ARMC9: variants seen among roughly 807,000 people sequenced by gnomAD.
The protein encoded by ARMC9 is lisH domain-containing protein ARMC9.
Under a neutral mutation model 107.0 loss-of-function variants are expected in ARMC9, and 94 were observed. The observed-to-expected ratio is 0.88, with a 90% confidence interval of 0.74 to 1.04. The LOEUF (loss-of-function observed/expected upper bound fraction) is 1.04. Ranked by LOEUF, ARMC9 falls within the 50% of genes least tolerant of loss-of-function variation. The pLI is 0.00. For missense variants in ARMC9, 942 were observed against 1,030.1 expected, an observed-to-expected ratio of 0.91 and a Z score of 1.17; for synonymous variants, 380 against 396.9, an observed-to-expected ratio of 0.96 and a Z score of 0.51.
chr2:231,324,289 A>G (rs985127625), intron 19 of ARMC9, among the ~76,000 whole-genome samples: 54 of 151,116 alleles, frequency 3.6e-4, no homozygotes, highest in East Asian at 2.8e-3. Flanking sequence ...CACCACGCCC[A>G]GCTAATTTTT....
In ARMC9 at chr2:231,281,632, T is replaced by C. The variant is rs114916023; in HGVS notation, c.1552-427T>C. On this transcript the variant is annotated intron_variant, in intron 16 of 24. Coordinates refer to ENST00000611582, the MANE Select transcript of ARMC9 (RefSeq NM_001352754.2). The stretch of plus-strand genomic sequence containing the variant: ...TGGAGATTTGATGTAGCCTGGTTCA[T>C]GGACGATGATGTCTGAACAAGGACA... 4.1e-3 allele frequency among the ~76,000 whole-genome samples: 626 copies of C among 152,302 alleles called. 8 individuals are homozygous for C. The highest frequency in any genetic ancestry group is 0.014 in the African/African-American group (602 of 41,576).
intron 19 of ARMC9, among the ~76,000 whole-genome samples, chr2:231,309,114 A>G (rs1001605599): frequency 1.3e-5 from 2 of 152,134 alleles, no homozygotes; most frequent in African/African-American, 4.8e-5. Context: ...AAATTCGTTT[A>G]TTTCTGCAAC....
intron 20 of ARMC9, among the ~76,000 whole-genome samples, chr2:231,344,597 A>G (rs2044703484): frequency 6.6e-6 from 1 of 152,196 alleles, no homozygotes; most frequent in Non-Finnish European, 1.5e-5. Flanking sequence ...TTTATTTTTA[A>G]CATACTGCGC....
Position 231,370,069 on chromosome 2 carries a change from GC to G in ARMC9, c.2383del (p.Gln795SerfsTer51). On this transcript the variant is annotated frameshift_variant, in exon 24 of 25. Coordinates refer to ENST00000611582, the MANE Select transcript of ARMC9 (RefSeq NM_001352754.2). LOFTEE classifies it high-confidence loss of function. ...CTGGCCCCTCTGTTCTCTTCGTGTG[GC>G]CCCCAGCAGGCCAGCCGCCCCGGCT... ...SVLAPLFSSC[G>X]PQQASRPGST... The G allele has an allele frequency of 6.5e-7, 1 of 1,534,928 alleles. No individual in the cohort carries two copies. The highest frequency in any genetic ancestry group is 2.0e-5 in the Admixed American group (1 of 50,918).
rs2046139774 is a variant in ARMC9 at position 231,374,597 on chromosome 2, T to TG, written c.*3063dup. The TG allele has an allele frequency of 6.7e-6, 1 of 149,156 alleles. No individual in the cohort carries two copies. The allele number at this position is 149,156 out of a possible 1,614,324, so 9.2% of individuals were successfully genotyped here. A position where few individuals can be genotyped will look rare whatever the true frequency, so the allele number is the denominator to read the frequency against. On this transcript the variant is annotated 3_prime_UTR_variant, in exon 25 of 25. Transcript: ENST00000611582. ...AAAATAGTTGAACAAATAAGGTTCA[T>TG]GAAAAAAAAAGAAAAGAAAGAAAAG...
At chr2:231,272,638 C>G (rs970137201) in intron 13 of ARMC9, among the ~76,000 whole-genome samples, 3 of 152,066 alleles carry the variant, frequency 2.0e-5, no homozygotes, top group African/African-American at 7.2e-5. Context: ...GCCTCAGCCT[C>G]CCGAGTAGCT....
rs746432834 is a variant in ARMC9 at position 231,276,537 on chromosome 2, TG to T, written c.1335-96del. ...CGTCCGCCTTGGCCTCCCAAAGTGC[TG>T]GGATTACAGGCATGAGCCACTGCTT... is the stretch of plus-strand genomic sequence containing the variant. On this transcript the variant is annotated intron_variant, in intron 14 of 24. Coordinates refer to ENST00000611582, the MANE Select transcript of ARMC9 (RefSeq NM_001352754.2). The T allele has an allele frequency of 8.2e-4, 1,259 of 1,530,182 alleles. 2 individuals carry two copies. Among genetic ancestry groups the T allele is most frequent in the Non-Finnish European group, 1.1e-3 (1,214 of 1,128,530 alleles). 94.8% of individuals were successfully genotyped at this position (1,530,182 alleles called of 1,614,324 possible). A position where few individuals can be genotyped will look rare whatever the true frequency, so the allele number is the denominator to read the frequency against.
Position 231,256,571 on chromosome 2 carries a change from T to C in ARMC9, c.880-15T>C. 6.2e-7 allele frequency: 1 copy of C among 1,613,760 alleles called. No homozygotes were observed. Among genetic ancestry groups the C allele is most frequent in the Non-Finnish European group, 8.5e-7 (1 of 1,179,748 alleles). On this transcript the variant is annotated splice_polypyrimidine_tract_variant and intron_variant, in intron 9 of 24. Coordinates refer to ENST00000611582, the MANE Select transcript of ARMC9 (RefSeq NM_001352754.2). The stretch of plus-strand genomic sequence containing the variant: ...GTTTAACACCATCTGTTTTCTTCTG[T>C]CCTCTTCCCCCCAGGCATCCACCAT...
Position 231,355,897 on chromosome 2 carries a change from C to T in ARMC9, c.2094C>T (p.Gly698=), listed in dbSNP as rs1254732696. The stretch of plus-strand genomic sequence containing the variant: ...CTCACGAGGCTGTCTACAGGGAGGG[C>T]AAGCCCAGCACCCCGGAGTCCTGCG... ...PAAHEAVYRE[G]KPSTPESCVS... is the part of the protein sequence containing the mutation. Residue 698 remains glycine (G), a synonymous_variant, in exon 22 of 25, where the codon GGC becomes GGT. Transcript: ENST00000611582. The T allele has an allele frequency of 2.0e-6, 3 of 1,536,160 alleles. No homozygotes were observed. Among genetic ancestry groups the T allele is most frequent in the Non-Finnish European group, 2.6e-6 (3 of 1,146,908 alleles).
intron 23 of ARMC9, among the ~76,000 whole-genome samples, chr2:231,369,748 C>T (rs969265146): frequency 3.9e-5 from 6 of 152,024 alleles, no homozygotes; most frequent in Admixed American, 6.6e-5. Context: ...TGCCCGCCAC[C>T]GCGCCCGGCT....
chr2:231,253,236 C>G (rs1167345470), intron 9 of ARMC9, among the ~76,000 whole-genome samples: 2 of 152,126 alleles, frequency 1.3e-5, no homozygotes, highest in African/African-American at 4.8e-5. Flanking sequence ...GCCTCAGCCT[C>G]CTGAGTAGCT....
rs949314264 is a variant in ARMC9, at chr2:231,255,972, G to C, written c.880-614G>C. ...GGAGAATGGCGTGAACCCGGTAGGC[G>C]GAGGTTGCGGTGAGCCAAGATTGCG... On this transcript the variant is annotated intron_variant, in intron 9 of 24. Transcript: ENST00000611582. The surrounding 1 kb of genome is among the most constrained non-coding windows in gnomAD (Gnocchi z 4.7). 1.1e-6 allele frequency: 1 copy of C among 895,776 alleles called. No homozygotes were observed. Among genetic ancestry groups the C allele is most frequent in the African/African-American group, 1.7e-5 (1 of 58,664 alleles). The allele number at this position is 895,776 out of a possible 1,614,324, so 55.5% of individuals were successfully genotyped here.
intron 7 of ARMC9, among the ~76,000 whole-genome samples, chr2:231,233,870 A>G (rs1193175624): frequency 1.3e-5 from 2 of 152,184 alleles, no homozygotes; most frequent in Non-Finnish European, 2.9e-5. Context: ...AGCCACCACT[A>G]TATAACCTTC....
In ARMC9 at chr2:231,282,144, G is replaced by T. The variant is rs372419434; in HGVS notation, c.1626+11G>T. On this transcript the variant is annotated intron_variant, in intron 17 of 24. Transcript: ENST00000611582. The stretch of plus-strand genomic sequence containing the variant: ...GAAGCAAGAGCAATGGTAAGAAAGC[G>T]TGCCTGAGAAACATGTGAGCTTCCT... 7 of 1,613,602 alleles carry T rather than the reference G, an allele frequency of 4.3e-6. No homozygotes were observed. The Admixed American group carries it at 6.7e-5, about 15-fold the overall frequency.
At chr2:231,306,361 T>G (rs1192111348) in intron 19 of ARMC9, among the ~76,000 whole-genome samples, 1 of 152,196 alleles carries the variant, frequency 6.6e-6, no homozygotes, top group Non-Finnish European at 1.5e-5. Context: ...AAGACTTGAG[T>G]CATTGCCACC....
At position 231,206,878 on chromosome 2, in the gene ARMC9, T is replaced by C. The variant is rs573656219; in HGVS notation, c.51+589T>C. ...TGGTTCGCGCTTGCTGCTGCTTAACTGTGTGAGTAACCACCTGCAGGTTGC... is the reference window on the plus strand; with the variant it reads ...TGGTTCGCGCTTGCTGCTGCTTAACCGTGTGAGTAACCACCTGCAGGTTGC... On this transcript the variant is annotated intron_variant, in intron 2 of 24. Coordinates refer to ENST00000611582, the MANE Select transcript of ARMC9 (RefSeq NM_001352754.2). Among the ~76,000 whole-genome samples, 3 of 152,342 alleles carry C rather than the reference T, an allele frequency of 2.0e-5. No individual in the cohort carries two copies. In the East Asian group the frequency reaches 5.8e-4, roughly 29 times the overall value.
At chr2:231,246,157 A>G (rs534340169) in intron 9 of ARMC9, among the ~76,000 whole-genome samples, 213 of 152,298 alleles carry the variant, frequency 1.4e-3, no homozygotes, top group African/African-American at 4.6e-3. Flanking sequence ...TTTTTCTTCA[A>G]CAACTCCAGA....
At chr2:231,287,644 A>C (rs1436590469) in intron 17 of ARMC9, among the ~76,000 whole-genome samples, 5 of 151,988 alleles carry the variant, frequency 3.3e-5, no homozygotes, top group Non-Finnish European at 1.5e-5. Flanking sequence ...CAGCCTCCCA[A>C]TCTCATGATT....
rs970746737 is a variant in ARMC9 at position 231,256,825 on chromosome 2, T to G, written c.914+205T>G. 4.6e-5 allele frequency among the ~76,000 whole-genome samples: 7 copies of G among 152,248 alleles called. No homozygotes were observed. The East Asian group carries it at 7.7e-4, about 17-fold the overall frequency. On this transcript the variant is annotated intron_variant, in intron 10 of 24. Transcript: ENST00000611582. ...ATTTTTTATTGCCTGTGTGGTTTTT[T>G]TGTTTGTTTGTTTTTTTGAGACAGA...
Sources: gnomAD v4.1 joint callset for allele counts (sites outside exome capture counted in the v4.1 genomes callset) on GRCh38, gnomAD v4.1.1 for gene constraint, Gnocchi (gnomAD v3.1) non-coding constraint, MANE v1.5 for transcripts, NCBI Gene and HGNC (gene_info 2026-07-23, HGNC 2026-07-21) for gene names.